Variants in WWTR1 observed in about 807,000 individuals in gnomAD.
WWTR1 encodes WW domain-containing transcription regulator protein 1.
A neutral mutation model predicts 40.1 loss-of-function variants in WWTR1; 13 were observed. The observed-to-expected ratio is 0.32, with a 90% confidence interval of 0.21 to 0.52. The LOEUF is 0.52. Among genes scored for constraint, WWTR1 ranks in the 20% least tolerant of loss-of-function variants. The pLI, the probability that WWTR1 is intolerant of heterozygous loss-of-function variation, is 0.97. For missense variants in WWTR1, 436 were observed against 523.1 expected (o/e 0.83, Z 1.63); for synonymous variants, 230 against 210.1 (o/e 1.09, Z -0.82).
At position 149,657,309 on chromosome 3, in the gene WWTR1, T is replaced by A; in HGVS notation, c.-3A>T. 6.2e-7 allele frequency: 1 copy of A among 1,607,660 alleles called. No individual in the cohort carries two copies. Among genetic ancestry groups the A allele is most frequent in the Non-Finnish European group, 8.5e-7 (1 of 1,177,084 alleles). Reference sequence around the variant, plus strand: ...GGGGGCGCCGAGGCCGGATTCATCTTCTGCAAAAAGAAGGTCAGATCAGCC... The same window carrying A: ...GGGGGCGCCGAGGCCGGATTCATCTACTGCAAAAAGAAGGTCAGATCAGCC... On this transcript the variant is annotated splice_region_variant and 5_prime_UTR_variant, in exon 2 of 7. Transcript: ENST00000360632.
At chr3:149,558,608 C>T (rs948861922) in intron 3 of WWTR1, among the ~76,000 whole-genome samples, 25 of 152,310 alleles carry the variant, frequency 1.6e-4, no homozygotes, top group Non-Finnish European at 2.8e-4. Flanking sequence ...TGGAACAAAT[C>T]GTGTGCCTCC....
At chr3:149,532,197 A>C (rs1735614717) in intron 4 of WWTR1, among the ~76,000 whole-genome samples, 1 of 152,280 alleles carries the variant, frequency 6.6e-6, no homozygotes, top group Non-Finnish European at 1.5e-5. Context: ...CAAGGTGCTT[A>C]GAACAGTGCC....
At chr3:149,716,301 G>T (rs552400896) in intron 5 of WWTR1, among the ~76,000 whole-genome samples, 1 of 152,118 alleles carries the variant, frequency 6.6e-6, no homozygotes, top group East Asian at 1.9e-4. Flanking sequence ...AGAATTGCTG[G>T]AACCTGGAAG....
At chr3:149,694,244 A>G (rs1425976180) in intron 1 of WWTR1, among the ~76,000 whole-genome samples, 1 of 152,180 alleles carries the variant, frequency 6.6e-6, no homozygotes, top group East Asian at 1.9e-4. Context: ...ATACAAAAAA[A>G]TTAGCTGGGC....
intron 2 of WWTR1, among the ~76,000 whole-genome samples, chr3:149,612,306 T>A (rs1443434970): frequency 2.6e-5 from 4 of 150,992 alleles, no homozygotes; most frequent in African/African-American, 9.7e-5. Flanking sequence ...TCAATTCACA[T>A]AATTTTGTTA....
At chr3:149,664,366 G>T (rs908975357) in intron 2 of WWTR1, among the ~76,000 whole-genome samples, 1 of 152,170 alleles carries the variant, frequency 6.6e-6, no homozygotes, top group Non-Finnish European at 1.5e-5. Flanking sequence ...CAAATCAAAC[G>T]TGATACTTGT....
At chr3:149,608,388 A>T (rs1026669712) in intron 2 of WWTR1, among the ~76,000 whole-genome samples, 424 of 144,908 alleles carry the variant, frequency 2.9e-3, no homozygotes, top group African/African-American at 9.4e-3. Flanking sequence ...AAATATCTAA[A>T]TTTTTTTTTT....
intron 5 of WWTR1, among the ~76,000 whole-genome samples, chr3:149,713,563 T>C (rs947417095): frequency 7.2e-5 from 11 of 152,200 alleles, no homozygotes; most frequent in African/African-American, 1.7e-4. Flanking sequence ...GTATTTTTAG[T>C]AGAGACAGAG....
At chr3:149,596,315 A>G (rs1739002436) in intron 2 of WWTR1, among the ~76,000 whole-genome samples, 1 of 152,200 alleles carries the variant, frequency 6.6e-6, no homozygotes, top group Non-Finnish European at 1.5e-5. Context: ...CACTGATAAC[A>G]CAACAGCCTT....
At chr3:149,550,702 ATACAGAGT>A (rs1237812355) in intron 3 of WWTR1, among the ~76,000 whole-genome samples, 2,426 of 113,524 alleles carry the variant, frequency 0.021, 250 homozygotes, top group African/African-American at 0.032. Context: ...GCTGTTCAAG[ATACAGAGT>A]AATAGAAAAA....
intron 2 of WWTR1, among the ~76,000 whole-genome samples, chr3:149,603,068 A>G (rs2108052846): frequency 6.6e-6 from 1 of 152,326 alleles, no homozygotes; most frequent in Admixed American, 6.5e-5. Flanking sequence ...GCAAACTTCA[A>G]AAACTATTAA....
intron 5 of WWTR1, among the ~76,000 whole-genome samples, chr3:149,709,947 TCA>T (rs1430343632): frequency 6.6e-6 from 1 of 152,138 alleles, no homozygotes; most frequent in African/African-American, 2.4e-5. Flanking sequence ...AGTTGGGCCT[TCA>T]GGAGACCAGA....
At chr3:149,706,443 C>G (rs186373388), upstream of WWTR1, among the ~76,000 whole-genome samples, 5 of 151,390 alleles carry the variant, frequency 3.3e-5, no homozygotes, top group Non-Finnish European at 7.4e-5. Flanking sequence ...CTCAGCCTCC[C>G]GAGTAGCTGG....
chr3:149,595,947 C>T (rs1159486546), intron 2 of WWTR1, among the ~76,000 whole-genome samples: 3 of 151,934 alleles, frequency 2.0e-5, no homozygotes, highest in East Asian at 1.9e-4. Context: ...GCAGGAGAAT[C>T]GCTTGAACCC....
intron 1 of WWTR1, among the ~76,000 whole-genome samples, chr3:149,673,870 G>T (rs13067679): frequency 0.2 from 30,163 of 151,772 alleles, 3,257 homozygotes; most frequent in Admixed American, 0.3. Flanking sequence ...CAAGGTAAGA[G>T]TCAAGACAGG....
chr3:149,566,088 G>A (rs1337569511), intron 3 of WWTR1, among the ~76,000 whole-genome samples: 1 of 152,040 alleles, frequency 6.6e-6, no homozygotes, highest in Non-Finnish European at 1.5e-5. Context: ...CAGCATTTTG[G>A]GAGGCCAAGG....
chr3:149,677,443 A>G (rs1455629926), intron 1 of WWTR1, among the ~76,000 whole-genome samples: 2 of 152,168 alleles, frequency 1.3e-5, no homozygotes, highest in Non-Finnish European at 2.9e-5. Context: ...ATCCATTCCC[A>G]TGACTTGGAC....
At chr3:149,614,799 A>G (rs1399805691) in intron 2 of WWTR1, among the ~76,000 whole-genome samples, 1 of 152,180 alleles carries the variant, frequency 6.6e-6, no homozygotes, top group African/African-American at 2.4e-5. Context: ...CCTGGCCAAC[A>G]TGGTGAAACC....
intron 3 of WWTR1, among the ~76,000 whole-genome samples, chr3:149,568,778 T>C (rs569544796): frequency 4.1e-4 from 62 of 152,324 alleles, no homozygotes; most frequent in African/African-American, 1.3e-3. Context: ...TTGTTGTTTT[T>C]GTTGTTGAGA....
Sources: allele counts gnomAD v4.1 joint callset (sites outside exome capture counted in the v4.1 genomes callset), GRCh38; gene constraint gnomAD v4.1.1; transcripts MANE v1.5; gene names NCBI Gene and HGNC (gene_info 2026-07-23, HGNC 2026-07-21).